Variants in RAB3B observed in about 807,000 individuals in gnomAD.
The protein encoded by RAB3B is RAB3B, member RAS oncogene family, also known as ras-related protein Rab-3B.
RAB3B carries 11 observed loss-of-function variants against 20.5 expected under a neutral mutation model. The observed-to-expected ratio is 0.54, with a 90% CI of 0.34 to 0.89. The LOEUF is 0.89. RAB3B is among the 40% of genes least tolerant of loss of function. The pLI is 0.02. For missense variants in RAB3B, 225 were observed against 280.9 expected (o/e 0.80, Z 1.42); for synonymous variants, 99 against 106.3 (o/e 0.93, Z 0.42).
intron 2 of RAB3B, among the ~76,000 whole-genome samples, chr1:51,957,090 T>C (rs1684717315): frequency 6.6e-6 from 1 of 152,220 alleles, no homozygotes; most frequent in Admixed American, 6.5e-5. Context: ...TGTCTGTTTG[T>C]TCTTGAGTGA....
intron 4 of RAB3B, among the ~76,000 whole-genome samples, chr1:51,928,358 C>T (rs1199624929): frequency 1.3e-5 from 2 of 152,218 alleles, no homozygotes; most frequent in African/African-American, 2.4e-5. Context: ...CCACCTGCCT[C>T]GGCCTCCCAG....
chr1:51,914,795 C>T lies in RAB3B; in HGVS notation c.*5132G>A, dbSNP rs1684058860. The T allele has an allele frequency of 6.6e-6, 1 of 152,060 alleles. No homozygotes were observed. Among genetic ancestry groups the T allele is most frequent in the Non-Finnish European group, 1.5e-5 (1 of 68,026 alleles). 9.4% of individuals were successfully genotyped at this position (152,060 alleles called of 1,614,324 possible). On this transcript the variant is annotated 3_prime_UTR_variant, in exon 5 of 5. Coordinates refer to ENST00000371655, the MANE Select transcript of RAB3B (RefSeq NM_002867.4). Reference sequence around the variant, plus strand: ...GACACTGGTTATTGTAGTTCTTTCCCCTTCCCCTAAACTGTTGGCAAACAA... The same window carrying T: ...GACACTGGTTATTGTAGTTCTTTCCTCTTCCCCTAAACTGTTGGCAAACAA...
rs1253306766 is a variant in RAB3B, at chr1:51,917,105, G to C, written c.*2822C>G. ...TTAGAGGTCCAGCTAGAACCTCTTT[G>C]TACCTTTGTTTCCTCATCTTCAAAT... On this transcript the variant is annotated 3_prime_UTR_variant, in exon 5 of 5. Coordinates refer to ENST00000371655, the MANE Select transcript of RAB3B (RefSeq NM_002867.4). 1 of 152,176 alleles carries C rather than the reference G, an allele frequency of 6.6e-6. No homozygotes were observed. The highest frequency in any genetic ancestry group is 2.4e-5 in the African/African-American group (1 of 41,436). The allele number at this position is 152,176 out of a possible 1,614,324, so 9.4% of individuals were successfully genotyped here.
chr1:51,957,621 G>A (rs1252467572), intron 2 of RAB3B, among the ~76,000 whole-genome samples: 1 of 152,202 alleles, frequency 6.6e-6, no homozygotes, highest in Non-Finnish European at 1.5e-5. Context: ...TAAGTGTTGT[G>A]ACAGTGTGTT....
rs1684094469 is a variant in RAB3B, at chr1:51,916,985, A to G, written c.*2942T>C. ...TCTCTCTGGATCATAGTTTGTCTATAAAAGATGCAGCCCAGAATGTGGTTA... is the reference window on the plus strand; with the variant it reads ...TCTCTCTGGATCATAGTTTGTCTATGAAAGATGCAGCCCAGAATGTGGTTA... On this transcript the variant is annotated 3_prime_UTR_variant, in exon 5 of 5. Coordinates refer to ENST00000371655, the MANE Select transcript of RAB3B (RefSeq NM_002867.4). 3 of 152,190 alleles carry G rather than the reference A, an allele frequency of 2.0e-5. No individual in the cohort carries two copies. Among genetic ancestry groups the G allele is most frequent in the Admixed American group, 6.5e-5 (1 of 15,284 alleles). 9.4% of individuals were successfully genotyped at this position (152,190 alleles called of 1,614,324 possible). A position where few individuals can be genotyped will look rare whatever the true frequency, so the allele number is the denominator to read the frequency against.
chr1:51,969,683 G>A (rs1385752924), intron 2 of RAB3B, among the ~76,000 whole-genome samples: 4 of 152,108 alleles, frequency 2.6e-5, no homozygotes, highest in Non-Finnish European at 5.9e-5. Context: ...GGTTTAGGTG[G>A]GGAAGAAAAG....
At chr1:51,961,911 C>T (rs1383817017) in intron 2 of RAB3B, among the ~76,000 whole-genome samples, 2 of 152,130 alleles carry the variant, frequency 1.3e-5, no homozygotes, top group African/African-American at 4.8e-5. Context: ...GCTGGGACTA[C>T]AGGTGTCAGC....
chr1:51,943,812 A>C (rs536809756), intron 2 of RAB3B, among the ~76,000 whole-genome samples: 1 of 152,330 alleles, frequency 6.6e-6, no homozygotes, highest in South Asian at 2.1e-4. Flanking sequence ...CTGCAGAAGA[A>C]AAGTCTGAAG....
At position 51,920,047 on chromosome 1, in the gene RAB3B, C is replaced by T. The variant is rs767130346; in HGVS notation, c.540G>A (p.Val180=). Residue 180 remains valine, a synonymous_variant, in exon 5 of 5, where the codon GTG becomes GTA. Transcript: ENST00000371655. ...CAGACATCTTGTCACAAATGGCATCCACCAGGCGCTCAAAGGCCTGCCTTA... is the reference window on the plus strand; with the variant it reads ...CAGACATCTTGTCACAAATGGCATCTACCAGGCGCTCAAAGGCCTGCCTTA... ...ISVRQAFERL[V]DAICDKMSDS... 6.0e-5 allele frequency: 97 copies of T among 1,614,056 alleles called. No individual in the cohort carries two copies. The highest frequency in any genetic ancestry group is 7.3e-5 in the Non-Finnish European group (86 of 1,180,030).
Position 51,990,657 on chromosome 1 carries a change from G to C in RAB3B, c.-106C>G, listed in dbSNP as rs999237670. On this transcript the variant is annotated 5_prime_UTR_variant, in exon 1 of 5. The change creates a new upstream start codon in the 5' untranslated region. Transcript: ENST00000371655. ...AGGGGGCCGGGGCGGGGCGCTGCGG[G>C]ATGGTCTGGTCCGGTCAGGTCCTCA... 1 of 152,352 alleles carries C rather than the reference G, an allele frequency of 6.6e-6. No individual in the cohort carries two copies. The highest frequency in any genetic ancestry group is 2.4e-5 in the African/African-American group (1 of 41,400). The allele number at this position is 152,352 out of a possible 1,614,324, so 9.4% of individuals were successfully genotyped here.
intron 2 of RAB3B, among the ~76,000 whole-genome samples, chr1:51,975,779 G>A (rs1685000494): frequency 6.6e-6 from 1 of 152,100 alleles, no homozygotes; most frequent in Admixed American, 6.5e-5. Context: ...GGATCACAAG[G>A]TCAGGAGTTC....
intron 2 of RAB3B, among the ~76,000 whole-genome samples, chr1:51,951,232 G>A (rs190995023): frequency 1.4e-3 from 206 of 151,874 alleles, no homozygotes; most frequent in African/African-American, 4.8e-3. Context: ...GAGGTTTGGG[G>A]TATGACTGAT....
chr1:51,966,767 T>C (rs1046124657), intron 2 of RAB3B, among the ~76,000 whole-genome samples: 5 of 152,170 alleles, frequency 3.3e-5, no homozygotes, highest in Non-Finnish European at 7.4e-5. Context: ...GAGCACAGGA[T>C]GGTGTACTCA....
rs1683996314 is a variant in RAB3B, at chr1:51,911,406, GT to G, written c.*8520del. 1 of 152,072 alleles carries G rather than the reference GT, an allele frequency of 6.6e-6. No individual in the cohort carries two copies. The highest frequency in any genetic ancestry group is 1.5e-5 in the Non-Finnish European group (1 of 68,032). 9.4% of individuals were successfully genotyped at this position (152,072 alleles called of 1,614,324 possible). A position where few individuals can be genotyped will look rare whatever the true frequency, so the allele number is the denominator to read the frequency against. ...TTTGTTTGTTTTTGTTTGTTTGTTT[GT>G]TTGTTTTAGAATTTCTGTGCTTTGG... is the stretch of plus-strand genomic sequence containing the variant. On this transcript the variant is annotated 3_prime_UTR_variant, in exon 5 of 5. Transcript: ENST00000371655.
intron 4 of RAB3B, among the ~76,000 whole-genome samples, chr1:51,927,862 A>G (rs1464735142): frequency 6.6e-6 from 1 of 152,160 alleles, no homozygotes; most frequent in East Asian, 1.9e-4. Context: ...TGTAGGCAGA[A>G]GCATATTTCC....
intron 2 of RAB3B, among the ~76,000 whole-genome samples, chr1:51,967,912 G>A (rs1424651971): frequency 6.6e-6 from 1 of 152,052 alleles, no homozygotes; most frequent in Non-Finnish European, 1.5e-5. Flanking sequence ...TACCTTACAT[G>A]GCAAAAGGGA....
intron 1 of RAB3B, among the ~76,000 whole-genome samples, chr1:51,982,076 A>AT (rs1685095720): frequency 6.6e-6 from 1 of 152,146 alleles, no homozygotes; most frequent in Non-Finnish European, 1.5e-5. Context: ...GCCATAAGAG[A>AT]TGACAGCTCC....
chr1:51,928,264 G>A (rs543728589), intron 4 of RAB3B, among the ~76,000 whole-genome samples: 1 of 152,112 alleles, frequency 6.6e-6, no homozygotes, highest in East Asian at 1.9e-4. Context: ...GCACCACCAC[G>A]CCTGGCTAAT....
chr1:51,927,131 TC>T (rs1307543322), intron 4 of RAB3B, among the ~76,000 whole-genome samples: 1 of 152,150 alleles, frequency 6.6e-6, no homozygotes, highest in African/African-American at 2.4e-5. Context: ...GACACAAGGT[TC>T]CTTGGTTCAT....
Sources: gnomAD v4.1 joint callset for allele counts (sites outside exome capture counted in the v4.1 genomes callset) on GRCh38, gnomAD v4.1.1 for gene constraint, MANE v1.5 for transcripts, NCBI Gene and HGNC (gene_info 2026-07-23, HGNC 2026-07-21) for gene names.